The following ERBB4 variants were observed in gnomAD, a reference collection of about 807,000 sequenced individuals.
The protein encoded by ERBB4 is erb-b2 receptor tyrosine kinase 4, also known as receptor tyrosine-protein kinase erbB-4.
Under a neutral mutation model 158.0 loss-of-function variants are expected in ERBB4, and 42 were observed. The observed-to-expected ratio is 0.27, with a 90% confidence interval of 0.21 to 0.34. The LOEUF (loss-of-function observed/expected upper bound fraction) is 0.34, where lower values mean the gene tolerates loss of function less well. Among genes scored for constraint, ERBB4 ranks in the 10% least tolerant of loss-of-function variants. ERBB4 has a pLI of 1.00. For missense variants in ERBB4, 1,333 were observed against 1,624.1 expected (o/e 0.82, Z 3.08); for synonymous variants, 583 against 558.7 (o/e 1.04, Z -0.61).
At chr2:212,221,272 G>A (rs185729035) in intron 1 of ERBB4, among the ~76,000 whole-genome samples, 9 of 151,678 alleles carry the variant, frequency 5.9e-5, no homozygotes, top group Non-Finnish European at 1.3e-4. Flanking sequence ...AGAGACTCAT[G>A]TAATTACTAA....
rs2125873130 is a variant in ERBB4 at position 211,630,568 on chromosome 2, A to G, written c.1973T>C (p.Ile658Thr). Reference sequence around the variant, plus strand: ...AATGACCAGAATGAAGAGCCCACCAATTACTCCAGCTGCAATCAGGGGAGT... The same window carrying G: ...AATGACCAGAATGAAGAGCCCACCAGTTACTCCAGCTGCAATCAGGGGAGT... Reference protein sequence around the residue: ...ARTPLIAAGVIGGLFILVIVG... With the variant: ...ARTPLIAAGVTGGLFILVIVG... The change falls in exon 17 of 28, where the codon ATT (isoleucine) becomes ACT (threonine). Residue 658 changes from isoleucine to threonine, a missense_variant. Ile to Thr is a moderately conservative substitution (Grantham distance 89, BLOSUM62 -1). Coordinates refer to ENST00000342788, the MANE Select transcript of ERBB4 (RefSeq NM_005235.3). 6.2e-7 allele frequency: 1 copy of G among 1,613,730 alleles called. No individual in the cohort carries two copies.
chr2:211,644,555 TA>T (rs2070717309), intron 16 of ERBB4, among the ~76,000 whole-genome samples: 1 of 151,916 alleles, frequency 6.6e-6, no homozygotes, highest in Non-Finnish European at 1.5e-5. Context: ...ACATGCAAAA[TA>T]AATCATTACT....
At chr2:211,790,485 T>C (rs559645210) in intron 3 of ERBB4, among the ~76,000 whole-genome samples, 1 of 152,216 alleles carries the variant, frequency 6.6e-6, no homozygotes, top group African/African-American at 2.4e-5. Context: ...TACTGAATAA[T>C]AGTCTTATCA....
intron 2 of ERBB4, among the ~76,000 whole-genome samples, chr2:211,953,573 T>C (rs1044274604): frequency 1.3e-5 from 2 of 151,856 alleles, no homozygotes; most frequent in Admixed American, 6.6e-5. Context: ...TCATCCCATT[T>C]TGTCAACCAA....
At chr2:211,476,307 T>C (rs1429765725) in intron 20 of ERBB4, among the ~76,000 whole-genome samples, 1 of 152,104 alleles carries the variant, frequency 6.6e-6, no homozygotes, top group Non-Finnish European at 1.5e-5. Context: ...TACAAGGACA[T>C]GGTTTGATAG....
intron 1 of ERBB4, among the ~76,000 whole-genome samples, chr2:212,171,621 C>A (rs1581385): frequency 0.2 from 30,724 of 151,936 alleles, 3,471 homozygotes; most frequent in South Asian, 0.34. Context: ...ATGTAGGTGT[C>A]TTCCCCCATG....
intron 19 of ERBB4, among the ~76,000 whole-genome samples, chr2:211,610,214 A>G (rs915476761): frequency 6.6e-6 from 1 of 152,166 alleles, no homozygotes; most frequent in Non-Finnish European, 1.5e-5. Context: ...TAGACTTATT[A>G]GATTTTATTA....
At chr2:211,694,594 G>A (rs1425633606) in intron 12 of ERBB4, among the ~76,000 whole-genome samples, 1 of 149,730 alleles carries the variant, frequency 6.7e-6, no homozygotes, top group African/African-American at 2.5e-5. Flanking sequence ...GTGTATTGAT[G>A]TATTACTCTA....
Position 212,151,207 on chromosome 2 carries a change from AC to A in ERBB4, c.83-26305del, listed in dbSNP as rs1463807983. ...ATAAAACATGTGATATTATTTTTTA[AC>A]AAATATGTTCTAATCTCTTTGTTAA... On this transcript the variant is annotated intron_variant, in intron 1 of 27. Coordinates refer to ENST00000342788, the MANE Select transcript of ERBB4 (RefSeq NM_005235.3). Among the ~76,000 whole-genome samples, 29 of 151,822 alleles carry A rather than the reference AC, an allele frequency of 1.9e-4. No individual in the cohort carries two copies. In the East Asian group the frequency reaches 5.6e-3, roughly 29 times the overall value.
intron 3 of ERBB4, among the ~76,000 whole-genome samples, chr2:211,843,368 G>A (rs545260013): frequency 1.3e-5 from 2 of 151,834 alleles, no homozygotes; most frequent in African/African-American, 2.4e-5. Flanking sequence ...TTTAGCTGTC[G>A]GTACTAGCAG....
At chr2:212,265,916 G>GT (rs1423789223) in intron 1 of ERBB4, among the ~76,000 whole-genome samples, 1 of 152,000 alleles carries the variant, frequency 6.6e-6, no homozygotes, top group African/African-American at 2.4e-5. Context: ...ATGTGTTACT[G>GT]TAACCACTGA....
chr2:211,636,046 T>C (rs1046833151), intron 16 of ERBB4, among the ~76,000 whole-genome samples: 1 of 151,978 alleles, frequency 6.6e-6, no homozygotes, highest in African/African-American at 2.4e-5. Flanking sequence ...TTGCATCAGA[T>C]GTAGACCTGC....
At chr2:212,486,007 G>T (rs1260270105) in intron 1 of ERBB4, among the ~76,000 whole-genome samples, 2 of 151,864 alleles carry the variant, frequency 1.3e-5, no homozygotes, top group Non-Finnish European at 2.9e-5. Context: ...CAACATTAAG[G>T]CCACAGCATA....
chr2:212,162,288 A>T (rs966522778), intron 1 of ERBB4, among the ~76,000 whole-genome samples: 2 of 151,882 alleles, frequency 1.3e-5, no homozygotes, highest in Non-Finnish European at 1.5e-5. Context: ...TAAACCTTAA[A>T]AACATTATCT....
intron 1 of ERBB4, among the ~76,000 whole-genome samples, chr2:212,130,491 T>A (rs910393724): frequency 6.6e-6 from 1 of 152,126 alleles, no homozygotes; most frequent in Non-Finnish European, 1.5e-5. Flanking sequence ...GTGGATTAAT[T>A]TGATTCATGG....
chr2:212,110,735 A>G (rs1207967755), intron 2 of ERBB4, among the ~76,000 whole-genome samples: 2 of 152,252 alleles, frequency 1.3e-5, no homozygotes, highest in East Asian at 1.9e-4. Flanking sequence ...AATTACAATC[A>G]GCAAACAAAA....
At chr2:212,013,302 A>G (rs1398235765) in intron 2 of ERBB4, among the ~76,000 whole-genome samples, 1 of 152,114 alleles carries the variant, frequency 6.6e-6, no homozygotes, top group Non-Finnish European at 1.5e-5. Flanking sequence ...GAAGAAGATT[A>G]TGCACCTTTG....
intron 20 of ERBB4, among the ~76,000 whole-genome samples, chr2:211,533,814 T>C (rs2066570823): frequency 6.6e-6 from 1 of 152,072 alleles, no homozygotes; most frequent in Non-Finnish European, 1.5e-5. Context: ...AAAATAACAG[T>C]GAGCTGAAAA....
At chr2:211,734,563 G>A (rs62182993) in intron 5 of ERBB4, among the ~76,000 whole-genome samples, 33,764 of 146,648 alleles carry the variant, frequency 0.23, 4,444 homozygotes, top group Non-Finnish European at 0.31. Context: ...GTCCACTAAT[G>A]AGGAATTGGT....
Sources: gnomAD v4.1 joint callset for allele counts (sites outside exome capture counted in the v4.1 genomes callset) on GRCh38, gnomAD v4.1.1 for gene constraint, MANE v1.5 for transcripts, NCBI Gene and HGNC (gene_info 2026-07-23, HGNC 2026-07-21) for gene names.